The following CSGALNACT1 variants were observed in gnomAD, a reference collection of about 807,000 sequenced individuals.
CSGALNACT1 encodes beta4GalNAcT-1.
In CSGALNACT1, 52 loss-of-function variants were observed where a neutral mutation model predicts 51.0. That is an observed-to-expected ratio of 1.02 (90% CI 0.82 to 1.29). The LOEUF is 1.29. CSGALNACT1 is among the 50% of genes most tolerant of loss of function. The pLI is 0.00. For synonymous variants in CSGALNACT1, 341 were observed against 254.4 expected, an observed-to-expected ratio of 1.34 and a Z score of -3.24; for missense variants, 935 against 679.2, an observed-to-expected ratio of 1.38 and a Z score of -4.19.
chr8:19,521,580 G>C (rs555870451), intron 3 of CSGALNACT1, among the ~76,000 whole-genome samples: 11 of 152,260 alleles, frequency 7.2e-5, no homozygotes, highest in African/African-American at 2.4e-4. Flanking sequence ...CTATTCAGGA[G>C]GCTGAGGCAG....
At chr8:19,445,532 C>T (rs988557614) in intron 5 of CSGALNACT1, among the ~76,000 whole-genome samples, 1 of 152,172 alleles carries the variant, frequency 6.6e-6, no homozygotes, top group Non-Finnish European at 1.5e-5. Context: ...TCCAAGGTTC[C>T]GTTGCATTCA....
chr8:19,680,655 T>C (rs987495695), intron 1 of CSGALNACT1, among the ~76,000 whole-genome samples: 1 of 146,992 alleles, frequency 6.8e-6, no homozygotes, highest in African/African-American at 2.5e-5. Context: ...GTGTTAGGTA[T>C]TACAAGTAAT....
At chr8:19,432,811 G>A (rs1402181270) in intron 6 of CSGALNACT1, among the ~76,000 whole-genome samples, 1 of 151,918 alleles carries the variant, frequency 6.6e-6, no homozygotes, top group Non-Finnish European at 1.5e-5. Context: ...TTGATATTCT[G>A]TATTTAGTAT....
At chr8:19,452,281 C>A (rs1389884699) in intron 5 of CSGALNACT1, among the ~76,000 whole-genome samples, 1 of 152,126 alleles carries the variant, frequency 6.6e-6, no homozygotes, top group Non-Finnish European at 1.5e-5. Flanking sequence ...ACACAAGAGA[C>A]CTTGGCTTCC....
intron 4 of CSGALNACT1, among the ~76,000 whole-genome samples, chr8:19,483,168 C>T (rs1463837772): frequency 6.6e-6 from 1 of 152,180 alleles, no homozygotes; most frequent in Non-Finnish European, 1.5e-5. Flanking sequence ...CCTGGAATTA[C>T]AACAACAGCT....
At chr8:19,458,699 G>T in intron 4 of CSGALNACT1, 57 bp from the exon 4 acceptor site, 1 of 1,492,516 alleles carries the variant, frequency 6.7e-7, no homozygotes, top group Non-Finnish European at 9.3e-7. Context: ...GCTGCTGAGT[G>T]TTTTTCAACC....
chr8:19,613,271 T>A (rs1256171691), intron 1 of CSGALNACT1, among the ~76,000 whole-genome samples: 1 of 152,204 alleles, frequency 6.6e-6, no homozygotes, highest in Non-Finnish European at 1.5e-5. Context: ...AACATATAAT[T>A]TATGTTTCTA....
At chr8:19,524,473 C>T (rs2081295300) in intron 3 of CSGALNACT1, among the ~76,000 whole-genome samples, 1 of 152,108 alleles carries the variant, frequency 6.6e-6, no homozygotes, top group African/African-American at 2.4e-5. Context: ...TTTCTTTTAG[C>T]TTTCAAACCC....
chr8:19,570,695 T>C (rs1275842453), intron 3 of CSGALNACT1, among the ~76,000 whole-genome samples: 1 of 151,856 alleles, frequency 6.6e-6, no homozygotes, highest in Non-Finnish European at 1.5e-5. Flanking sequence ...AGGGTAGGAG[T>C]TCGAGACCAG....
At chr8:19,704,760 C>A (rs2062065001) in intron 1 of CSGALNACT1, among the ~76,000 whole-genome samples, 1 of 151,968 alleles carries the variant, frequency 6.6e-6, no homozygotes, top group Non-Finnish European at 1.5e-5. Context: ...ATATTATTTA[C>A]CTTAAAAAAG....
chr8:19,505,424 G>A, exon 4 of CSGALNACT1: 5 of 1,614,200 alleles, frequency 3.1e-6, no homozygotes, highest in South Asian at 1.1e-5. Flanking sequence ...TGGCCAGCTT[G>A]ACGCCAGCAT....
intron 1 of CSGALNACT1, among the ~76,000 whole-genome samples, chr8:19,727,247 G>A (rs1476328332): frequency 1.3e-5 from 2 of 152,178 alleles, no homozygotes; most frequent in African/African-American, 4.8e-5. Context: ...GTGGAATTAG[G>A]AGTGACTTCT....
intron 1 of CSGALNACT1, among the ~76,000 whole-genome samples, chr8:19,693,491 T>C (rs538663604): frequency 6.6e-6 from 1 of 152,246 alleles, no homozygotes; most frequent in South Asian, 2.1e-4. Flanking sequence ...GTACTTTCAT[T>C]AAAGTGCTCC....
intron 3 of CSGALNACT1, among the ~76,000 whole-genome samples, chr8:19,568,174 C>G (rs2042273169): frequency 6.6e-6 from 1 of 152,166 alleles, no homozygotes; most frequent in South Asian, 2.1e-4. Context: ...GTTATTTAAT[C>G]ATGCAAACAT....
At chr8:19,609,253 T>C (rs2051841474) in intron 1 of CSGALNACT1, among the ~76,000 whole-genome samples, 1 of 150,578 alleles carries the variant, frequency 6.6e-6, no homozygotes, top group South Asian at 2.1e-4. Context: ...TATATAGTAA[T>C]ATTGCTTATA....
intron 1 of CSGALNACT1, among the ~76,000 whole-genome samples, chr8:19,750,851 A>C (rs1317623602): frequency 6.6e-6 from 1 of 152,126 alleles, no homozygotes; most frequent in Non-Finnish European, 1.5e-5. Context: ...TCTGCAACCC[A>C]CACACTCGAT....
At chr8:19,716,149 A>C (rs1010590522) in intron 1 of CSGALNACT1, among the ~76,000 whole-genome samples, 1 of 151,926 alleles carries the variant, frequency 6.6e-6, no homozygotes, top group Non-Finnish European at 1.5e-5. Context: ...TTCCTCTAAC[A>C]CAGTCCTGAA....
chr8:19,594,930 A>C (rs2048586899), intron 2 of CSGALNACT1, among the ~76,000 whole-genome samples: 1 of 152,254 alleles, frequency 6.6e-6, no homozygotes, highest in African/African-American at 2.4e-5. Flanking sequence ...GCTTGGCCTA[A>C]GGTTGGCTAT....
intron 6 of CSGALNACT1, among the ~76,000 whole-genome samples, chr8:19,429,637 TTTGAG>T (rs1299021849): frequency 1.3e-5 from 2 of 152,250 alleles, no homozygotes; most frequent in Non-Finnish European, 2.9e-5. Flanking sequence ...CTGATAGATA[TTTGAG>T]TTGTTTCTAC....
Sources: gnomAD v4.1 joint callset for allele counts (sites outside exome capture counted in the v4.1 genomes callset) on GRCh38, gnomAD v4.1.1 for gene constraint, MANE v1.5 for transcripts, NCBI Gene and HGNC (gene_info 2026-07-23, HGNC 2026-07-21) for gene names.